The following ADD1 variants were observed in gnomAD, a reference collection of about 807,000 sequenced individuals.
ADD1 encodes adducin 1, also known as alpha-adducin.
In ADD1, 24 loss-of-function variants were observed where a neutral mutation model predicts 80.5. That is an observed-to-expected ratio of 0.30 (90% CI 0.22 to 0.42). The LOEUF (loss-of-function observed/expected upper bound fraction) is 0.42. ADD1 is among the 10% of genes least tolerant of loss of function. The pLI is 1.00. For synonymous variants in ADD1, 373 were observed against 393.8 expected, an observed-to-expected ratio of 0.95 and a Z score of 0.63; for missense variants, 948 against 1,019.0, an observed-to-expected ratio of 0.93 and a Z score of 0.95.
chr4:2,917,448 A>G (rs1032153233), intron 14 of ADD1, among the ~76,000 whole-genome samples: 5 of 152,164 alleles, frequency 3.3e-5, no homozygotes, highest in Non-Finnish European at 7.3e-5. Context: ...TCAGATGGAT[A>G]GATTGCAAAA....
rs1337404055 is a variant in ADD1, at chr4:2,916,202, TA to T, written c.1948+1163del. On this transcript the variant is annotated intron_variant, in intron 14 of 15. Transcript: ENST00000683351. ...TTATTATTATTATTATTATTATTAT[TA>T]TTATTATTTTTGAGATGAAGTCTTG... Among the ~76,000 whole-genome samples, 120 of 128,578 alleles carry T rather than the reference TA, an allele frequency of 9.3e-4. 1 individual carries two copies. The highest frequency in any genetic ancestry group is 3.1e-3 in the African/African-American group (111 of 35,766). The allele number at this position is 128,578 out of a possible 152,430, so 84.4% of individuals were successfully genotyped here. A position where few individuals can be genotyped will look rare whatever the true frequency, so the allele number is the denominator to read the frequency against.
intron 1 of ADD1, among the ~76,000 whole-genome samples, chr4:2,849,605 TTAGAA>T (rs1464384837): frequency 2.6e-5 from 4 of 152,176 alleles, no homozygotes; most frequent in African/African-American, 9.7e-5. Context: ...GGAGGGACCT[TTAGAA>T]TATCCCATCC....
intron 6 of ADD1, among the ~76,000 whole-genome samples, chr4:2,895,018 CG>C (rs1734962283): frequency 6.6e-6 from 1 of 151,982 alleles, no homozygotes; most frequent in South Asian, 2.1e-4. Context: ...CACACTACTT[CG>C]GGATGCTGAG....
rs1161600606 is a variant in ADD1, at chr4:2,900,402, C to T, written c.1161+967C>T. ...TTAGATGGGGGTCACGATGGTCCGT[C>T]CTAACGCCACATGACCTCAAGTGGT... On this transcript the variant is annotated intron_variant, in intron 9 of 15. Transcript: ENST00000683351. 2.0e-5 allele frequency: 3 copies of T among 152,272 alleles called. No homozygotes were observed. In the East Asian group the frequency reaches 5.8e-4, roughly 29 times the overall value. 9.4% of individuals were successfully genotyped at this position (152,272 alleles called of 1,614,324 possible). A position where few individuals can be genotyped will look rare whatever the true frequency, so the allele number is the denominator to read the frequency against.
At chr4:2,906,592 T>G (rs925997820) in intron 10 of ADD1, among the ~76,000 whole-genome samples, 2 of 152,232 alleles carry the variant, frequency 1.3e-5, no homozygotes, top group African/African-American at 2.4e-5. Flanking sequence ...TTATATTTGT[T>G]TCTTACTGTT....
Position 2,929,513 on chromosome 4 carries a change from C to G in ADD1, c.*990C>G, listed in dbSNP as rs1039147079. 1 of 152,284 alleles carries G rather than the reference C, an allele frequency of 6.6e-6. No individual in the cohort carries two copies. Among genetic ancestry groups the G allele is most frequent in the Non-Finnish European group, 1.5e-5 (1 of 68,080 alleles). 9.4% of individuals were successfully genotyped at this position (152,284 alleles called of 1,614,324 possible). A position where few individuals can be genotyped will look rare whatever the true frequency, so the allele number is the denominator to read the frequency against. ...TGAACCGTGTGCTCCTCGGCAGATG[C>G]TGTTGTTGTTACTTCCCTCCAAGAG... On this transcript the variant is annotated 3_prime_UTR_variant, in exon 16 of 16. Transcript: ENST00000683351.
chr4:2,855,636 T>C (rs972048628), intron 1 of ADD1, among the ~76,000 whole-genome samples: 1 of 146,034 alleles, frequency 6.8e-6, no homozygotes, highest in African/African-American at 2.5e-5. Flanking sequence ...TAGTCCAGAC[T>C]TTTTTTTTTT....
At chr4:2,875,752 A>G in intron 1 of ADD1, 144 bp from the exon 2 acceptor site, 1 of 597,064 alleles carries the variant, frequency 1.7e-6, no homozygotes. Flanking sequence ...GCCACAAAGA[A>G]GCCTCACAGG....
At position 2,898,518 on chromosome 4, in the gene ADD1, C is replaced by T; in HGVS notation, c.971C>T (p.Ala324Val). ...TATTACATCCATAACCTTGTGGTTG[C>T]CTGTGAGATCCAGGTAGGGGACAGC... ...AFYYIHNLVVACEIQVRTLAS... is the reference protein window; with the variant it reads ...AFYYIHNLVVVCEIQVRTLAS... Residue 324 changes from alanine (A) to valine (V), a missense_variant, in exon 8 of 16, where the codon GCC becomes GTC. Physicochemically the swap from Ala to Val is moderately conservative, Grantham distance 64. Transcript: ENST00000683351. 6.2e-7 allele frequency: 1 copy of T among 1,614,002 alleles called. No individual in the cohort carries two copies. The highest frequency in any genetic ancestry group is 8.5e-7 in the Non-Finnish European group (1 of 1,179,886).
At chr4:2,924,202 G>A (rs993752159) in intron 14 of ADD1, among the ~76,000 whole-genome samples, 4 of 152,166 alleles carry the variant, frequency 2.6e-5, no homozygotes, top group East Asian at 1.9e-4. Flanking sequence ...ACAAATAAGC[G>A]GCTCAAGTTT....
chr4:2,918,426 G>C (rs1227072683), intron 14 of ADD1, among the ~76,000 whole-genome samples: 1 of 152,100 alleles, frequency 6.6e-6, no homozygotes, highest in Non-Finnish European at 1.5e-5. Flanking sequence ...GAGATGATGG[G>C]GTTTTCCAAA....
At chr4:2,913,704 C>T (rs186241923) in intron 13 of ADD1, among the ~76,000 whole-genome samples, 3 of 152,032 alleles carry the variant, frequency 2.0e-5, no homozygotes, top group East Asian at 1.9e-4. Flanking sequence ...GAGGAGCGGT[C>T]GGCCTGTGTG....
Position 2,928,459 on chromosome 4 carries a change from AAAAG to A in ADD1, c.2339_2342del (p.Lys780ArgfsTer10), listed in dbSNP as rs1560271211. The A allele has an allele frequency of 6.2e-7, 1 of 1,613,758 alleles. No individual in the cohort carries two copies. Among genetic ancestry groups the A allele is most frequent in the South Asian group, 1.1e-5 (1 of 91,068 alleles). On this transcript the variant is annotated frameshift_variant, in exon 16 of 16. Transcript: ENST00000683351. LOFTEE classifies it high-confidence loss of function. ...GGGTCTCCAGGCAAGTCCCCGTCCA[AAAAG>A]AAGAAGAAGTTCCGTACCCCGTCCT... is the stretch of plus-strand genomic sequence containing the variant.
intron 3 of ADD1, among the ~76,000 whole-genome samples, 154 bp from the exon 4 acceptor site, chr4:2,884,361 G>A (rs192631058): frequency 6.6e-6 from 1 of 152,128 alleles, no homozygotes; most frequent in Admixed American, 6.6e-5. Context: ...GGTAAGTCTC[G>A]CTTTGTTGCC....
At chr4:2,912,194 C>T (rs915549360) in intron 13 of ADD1, among the ~76,000 whole-genome samples, 2 of 152,224 alleles carry the variant, frequency 1.3e-5, no homozygotes, top group Non-Finnish European at 2.9e-5. Context: ...TGTCAAGTGA[C>T]AGGGAGGTGA....
At chr4:2,911,906 C>T (rs1386702896) in intron 13 of ADD1, among the ~76,000 whole-genome samples, 4 of 152,210 alleles carry the variant, frequency 2.6e-5, no homozygotes, top group East Asian at 3.8e-4. Context: ...CTGTGTTCTC[C>T]AACACCCTTC....
At chr4:2,845,243 T>G (rs1023260366) in intron 1 of ADD1, among the ~76,000 whole-genome samples, 2 of 152,138 alleles carry the variant, frequency 1.3e-5, no homozygotes, top group African/African-American at 4.8e-5. Context: ...CAGCTAATTT[T>G]TGTATTTTTA....
In ADD1 at chr4:2,926,435, C is replaced by T. The variant is rs1711640780; in HGVS notation, c.2047+323C>T. 1.4e-6 allele frequency: 1 copy of T among 694,358 alleles called. No homozygotes were observed. The highest frequency in any genetic ancestry group is 2.0e-5 in the Admixed American group (1 of 49,190). The allele number at this position is 694,358 out of a possible 1,614,324, so 43.0% of individuals were successfully genotyped here. On this transcript the variant is annotated intron_variant, in intron 15 of 15. Coordinates refer to ENST00000683351, the MANE Select transcript of ADD1 (RefSeq NM_001354761.2). This position sits in a 1 kb window ranked among gnomAD's most constrained non-coding sequence, Gnocchi z 5.0. ...CAGATGCCACCTTCGGAGGTGCCCTCCGCTGTGTGAGCCACACGCCGGCTG... is the reference window on the plus strand; with the variant it reads ...CAGATGCCACCTTCGGAGGTGCCCTTCGCTGTGTGAGCCACACGCCGGCTG...
At chr4:2,865,130 C>T (rs942223817) in intron 1 of ADD1, among the ~76,000 whole-genome samples, 1 of 151,612 alleles carries the variant, frequency 6.6e-6, no homozygotes, top group African/African-American at 2.4e-5. Flanking sequence ...TATTCTCTTC[C>T]TTCTCCCCAC....
Sources: allele counts gnomAD v4.1 joint callset (sites outside exome capture counted in the v4.1 genomes callset), GRCh38; gene constraint gnomAD v4.1.1; non-coding constraint Gnocchi (gnomAD v3.1); transcripts MANE v1.5; gene names NCBI Gene and HGNC (gene_info 2026-07-23, HGNC 2026-07-21).